Variants in CNTN5 observed in about 807,000 individuals in gnomAD.
CNTN5 encodes the protein contactin 5, also known as contactin-5.
Under a neutral mutation model 129.1 loss-of-function variants are expected in CNTN5, and 77 were observed. The ratio of observed to expected loss-of-function variants is 0.60; its 90% CI spans 0.50 to 0.72. CNTN5 has a LOEUF of 0.72. Ranked by LOEUF, CNTN5 falls within the 30% of genes least tolerant of loss-of-function variation. The pLI is 0.00. For missense variants in CNTN5, 1,478 were observed against 1,328.8 expected (o/e 1.11, Z -1.75); for synonymous variants, 509 against 465.6 (o/e 1.09, Z -1.20).
rs375976541 is a variant in CNTN5 at position 99,689,266 on chromosome 11, G to A, written c.56-130278G>A. Reference sequence around the variant, plus strand: ...CTGAGGGCCGGGCGTGGTGGCTCACGCCTGTAATCCCAGCATTTAGGGAGG... The same window carrying A: ...CTGAGGGCCGGGCGTGGTGGCTCACACCTGTAATCCCAGCATTTAGGGAGG... On this transcript the variant is annotated intron_variant, in intron 3 of 24. Coordinates refer to ENST00000524871, the MANE Select transcript of CNTN5 (RefSeq NM_014361.4). 3.5e-4 allele frequency among the ~76,000 whole-genome samples: 53 copies of A among 152,074 alleles called. No homozygotes were observed. The South Asian group carries it at 8.5e-3, about 24-fold the overall frequency.
At chr11:99,963,466 A>AGCTG (rs1951007534) in intron 8 of CNTN5, among the ~76,000 whole-genome samples, 2 of 151,960 alleles carry the variant, frequency 1.3e-5, no homozygotes, top group Non-Finnish European at 2.9e-5. Context: ...TCAGATGATT[A>AGCTG]TAGATATGCA....
chr11:99,355,167 A>G lies in CNTN5; in HGVS notation c.-71+29683A>G, dbSNP rs989314954. 4.6e-5 allele frequency among the ~76,000 whole-genome samples: 7 copies of G among 152,224 alleles called. 1 individual carries two copies. The highest frequency in any genetic ancestry group is 4.1e-4 in the South Asian group (2 of 4,828). On this transcript the variant is annotated intron_variant, in intron 2 of 24. Coordinates refer to ENST00000524871, the MANE Select transcript of CNTN5 (RefSeq NM_014361.4). ...CTTTCTACTTTCCATTGATTGTAAC[A>G]TGTTTCGTTTTTCTTCCCTTGCACA...
intron 3 of CNTN5, among the ~76,000 whole-genome samples, chr11:99,694,668 G>A (rs1220272737): frequency 6.6e-5 from 10 of 150,804 alleles, no homozygotes; most frequent in Non-Finnish European, 1.3e-4. Context: ...ATCCCTCCCC[G>A]AGCCCCCCAC....
At chr11:99,233,563 T>C (rs1314430720) in intron 1 of CNTN5, among the ~76,000 whole-genome samples, 1 of 152,226 alleles carries the variant, frequency 6.6e-6, no homozygotes, top group African/African-American at 2.4e-5. Flanking sequence ...CCAGAGTTAA[T>C]AGACAAAATA....
At chr11:99,327,817 A>G (rs1237513512) in intron 2 of CNTN5, among the ~76,000 whole-genome samples, 3 of 152,210 alleles carry the variant, frequency 2.0e-5, no homozygotes, top group Non-Finnish European at 2.9e-5. Flanking sequence ...AAGAGGCAAT[A>G]TATATTAAAA....
At chr11:100,279,249 C>T (rs953950630) in intron 18 of CNTN5, among the ~76,000 whole-genome samples, 1 of 151,266 alleles carries the variant, frequency 6.6e-6, no homozygotes, top group East Asian at 1.9e-4. Flanking sequence ...ACCAGTGATA[C>T]CAGTCTATAG....
intron 17 of CNTN5, 122 bp downstream of exon 17, chr11:100,256,040 A>G: frequency 1.2e-6 from 1 of 843,516 alleles, no homozygotes. Flanking sequence ...ATTTCTTACA[A>G]TATTGACAAT....
chr11:99,562,901 A>C (rs1006137856), intron 3 of CNTN5, among the ~76,000 whole-genome samples: 1 of 152,170 alleles, frequency 6.6e-6, no homozygotes, highest in Non-Finnish European at 1.5e-5. Flanking sequence ...AAAATATCTA[A>C]AATTTAGGGA....
intron 2 of CNTN5, among the ~76,000 whole-genome samples, chr11:99,414,824 G>A (rs1942572114): frequency 6.6e-6 from 1 of 152,176 alleles, no homozygotes; most frequent in African/African-American, 2.4e-5. Context: ...AGTGACAGAG[G>A]AGAGAATGGC....
chr11:99,475,326 C>T (rs753626562), intron 2 of CNTN5, among the ~76,000 whole-genome samples: 14 of 152,164 alleles, frequency 9.2e-5, no homozygotes, highest in Non-Finnish European at 2.1e-4. Flanking sequence ...CAGAACTATG[C>T]TCTTGAATAT....
At chr11:99,644,456 C>A (rs1591412077) in intron 3 of CNTN5, among the ~76,000 whole-genome samples, 1 of 152,088 alleles carries the variant, frequency 6.6e-6, no homozygotes, top group Non-Finnish European at 1.5e-5. Context: ...AGAAATGAAT[C>A]TCAAGTCAAA....
At chr11:99,581,262 A>G (rs1456413647) in intron 3 of CNTN5, among the ~76,000 whole-genome samples, 755 of 99,578 alleles carry the variant, frequency 7.6e-3, no homozygotes, top group Non-Finnish European at 0.01. Context: ...CTATGTGGTC[A>G]ATTTTGGAGT....
intron 9 of CNTN5, among the ~76,000 whole-genome samples, chr11:100,010,832 T>G (rs1940482997): frequency 1.3e-5 from 2 of 152,148 alleles, no homozygotes; most frequent in Admixed American, 1.3e-4. Context: ...ATATCTATCC[T>G]GCCCCACAAT....
At chr11:99,141,915 A>G in intron 1 of CNTN5, among the ~76,000 whole-genome samples, 1 of 152,134 alleles carries the variant, frequency 6.6e-6, no homozygotes, top group East Asian at 1.9e-4. Context: ...TACGTGGCCA[A>G]TTTTAGAGTA....
At chr11:99,661,495 TC>T (rs1338170160) in intron 3 of CNTN5, among the ~76,000 whole-genome samples, 1 of 152,102 alleles carries the variant, frequency 6.6e-6, no homozygotes, top group Non-Finnish European at 1.5e-5. Context: ...TAATCTTAGA[TC>T]CATTTATTAT....
intron 8 of CNTN5, among the ~76,000 whole-genome samples, chr11:99,958,833 A>G (rs886219394): frequency 3.9e-5 from 6 of 152,138 alleles, no homozygotes; most frequent in Admixed American, 2.6e-4. Flanking sequence ...TTCACTATCC[A>G]TCTGTATAAT....
intron 3 of CNTN5, among the ~76,000 whole-genome samples, chr11:99,685,864 C>T (rs1622195): frequency 0.34 from 52,025 of 151,700 alleles, 9,878 homozygotes; most frequent in Middle Eastern, 0.47. Flanking sequence ...TTGTATACTC[C>T]TTTTTTCCTT....
chr11:99,252,896 A>G (rs535829041), intron 1 of CNTN5, among the ~76,000 whole-genome samples: 3 of 151,512 alleles, frequency 2.0e-5, no homozygotes, highest in African/African-American at 7.3e-5. Context: ...TGGTTTGTAC[A>G]TTTTGTGTCT....
At chr11:99,952,025 A>G (rs1481939395) in intron 7 of CNTN5, among the ~76,000 whole-genome samples, 3 of 152,144 alleles carry the variant, frequency 2.0e-5, no homozygotes, top group South Asian at 4.1e-4. Context: ...GGTAGATTCA[A>G]TCTCTGCTCT....
Sources: gnomAD v4.1 joint callset for allele counts (sites outside exome capture counted in the v4.1 genomes callset) on GRCh38, gnomAD v4.1.1 for gene constraint, MANE v1.5 for transcripts, NCBI Gene and HGNC (gene_info 2026-07-23, HGNC 2026-07-21) for gene names.